The following CHST8 variants were observed in gnomAD, a reference collection of about 807,000 sequenced individuals.
The protein encoded by CHST8 is carbohydrate sulfotransferase 8.
A neutral mutation model predicts 15.0 loss-of-function variants in CHST8; 10 were observed. The ratio of observed to expected loss-of-function variants is 0.67; its 90% confidence interval spans 0.41 to 1.13. The LOEUF is 1.13. CHST8 is among the 50% of genes most tolerant of loss of function. The pLI, the probability that CHST8 is intolerant of heterozygous loss-of-function variation, is 0.00. For missense variants in CHST8, 634 were observed against 608.2 expected, an observed-to-expected ratio of 1.04 and a Z score of -0.45; for synonymous variants, 259 against 256.6, an observed-to-expected ratio of 1.01 and a Z score of -0.09.
chr19:33,624,354 C>T (rs1972023892), intron 1 of CHST8, among the ~76,000 whole-genome samples: 1 of 152,154 alleles, frequency 6.6e-6, no homozygotes, highest in Admixed American at 6.5e-5. Flanking sequence ...GGTAGAACAT[C>T]CCCCTCGGAC....
In CHST8 at chr19:33,772,850, T is replaced by G. The variant is rs1975033112; in HGVS notation, c.1062T>G (p.Asp354Glu). ...FVGKFESMED[D>E]ANFFLSLIRA... ...GCAAGTTCGAGAGCATGGAGGACGA[T>G]GCCAACTTCTTCCTGAGCCTCATCC... The change falls in exon 5 of 5, where the codon GAT (aspartate) becomes GAG (glutamate). Residue 354 changes from aspartate to glutamate, a missense_variant. Asp to Glu is a conservative substitution (Grantham distance 45). Coordinates refer to ENST00000650847, the MANE Select transcript of CHST8 (RefSeq NM_001127895.2). 1 of 1,613,524 alleles carries G rather than the reference T, an allele frequency of 6.2e-7. No homozygotes were observed. Among genetic ancestry groups the G allele is most frequent in the Non-Finnish European group, 8.5e-7 (1 of 1,180,044 alleles).
At chr19:33,751,695 C>T (rs1231316618) in intron 3 of CHST8, among the ~76,000 whole-genome samples, 1 of 152,244 alleles carries the variant, frequency 6.6e-6, no homozygotes, top group African/African-American at 2.4e-5. Context: ...GGCCTGGACC[C>T]ACCACTCTGC....
chr19:33,703,002 C>A (rs998151987), intron 3 of CHST8, among the ~76,000 whole-genome samples: 1 of 152,208 alleles, frequency 6.6e-6, no homozygotes, highest in Non-Finnish European at 1.5e-5. Flanking sequence ...ACACCTCCCC[C>A]ACCTCTGTTC....
chr19:33,673,338 C>A (rs896767799), intron 2 of CHST8, among the ~76,000 whole-genome samples: 1 of 152,182 alleles, frequency 6.6e-6, no homozygotes, highest in Admixed American at 6.5e-5. Flanking sequence ...GGAGATGATG[C>A]CTGCAGTGAC....
chr19:33,647,455 T>G (rs1600234519), intron 1 of CHST8, among the ~76,000 whole-genome samples: 1 of 151,936 alleles, frequency 6.6e-6, no homozygotes, highest in East Asian at 1.9e-4. Flanking sequence ...GGAACAAAGG[T>G]CTGATTTTGG....
intron 1 of CHST8, among the ~76,000 whole-genome samples, chr19:33,635,664 C>T (rs1972185368): frequency 6.6e-6 from 1 of 152,080 alleles, no homozygotes; most frequent in African/African-American, 2.4e-5. Flanking sequence ...CCCTGAGGGC[C>T]AGCAGTGGAA....
intron 3 of CHST8, among the ~76,000 whole-genome samples, chr19:33,769,490 G>A (rs1177540738): frequency 6.6e-6 from 1 of 152,176 alleles, no homozygotes; most frequent in African/African-American, 2.4e-5. Context: ...GGAAAACCAA[G>A]TGGTGCAGCG....
chr19:33,752,891 T>C (rs147735890), intron 3 of CHST8, among the ~76,000 whole-genome samples: 2 of 152,366 alleles, frequency 1.3e-5, no homozygotes, highest in East Asian at 3.9e-4. Context: ...AATGGTTTCA[T>C]TATCAAAATT....
At chr19:33,762,862 C>G (rs75163158) in intron 3 of CHST8, among the ~76,000 whole-genome samples, 1 of 84,430 alleles carries the variant, frequency 1.2e-5, no homozygotes, top group Non-Finnish European at 2.7e-5. Flanking sequence ...TCAGTTTTCT[C>G]TCTTTTTTTT....
intron 3 of CHST8, among the ~76,000 whole-genome samples, chr19:33,719,030 G>C (rs1267378171): frequency 6.6e-6 from 1 of 152,048 alleles, no homozygotes; most frequent in Non-Finnish European, 1.5e-5. Context: ...CGAGACCTGG[G>C]CTCCCGGGAC....
chr19:33,650,458 T>A (rs927931050), intron 1 of CHST8, among the ~76,000 whole-genome samples: 8 of 151,550 alleles, frequency 5.3e-5, no homozygotes, highest in Admixed American at 3.9e-4. Flanking sequence ...AGGATTTTTT[T>A]AATCTATTCT....
chr19:33,714,146 C>T (rs112170816), intron 3 of CHST8, among the ~76,000 whole-genome samples: 1,934 of 152,180 alleles, frequency 0.013, 39 homozygotes, highest in African/African-American at 0.041. Flanking sequence ...GTTCCACTAC[C>T]GGGCTATCTA....
chr19:33,679,286 C>T (rs566509669), intron 2 of CHST8, among the ~76,000 whole-genome samples: 1 of 152,352 alleles, frequency 6.6e-6, no homozygotes, highest in East Asian at 1.9e-4. Context: ...GTGAATAGCT[C>T]AGTGCTTTCT....
intron 1 of CHST8, among the ~76,000 whole-genome samples, chr19:33,655,370 A>G (rs1972498724): frequency 6.6e-6 from 1 of 152,216 alleles, no homozygotes; most frequent in African/African-American, 2.4e-5. Context: ...TTTTGCATCT[A>G]TAGTGACAAG....
chr19:33,679,708 G>A (rs1328151181), intron 2 of CHST8, among the ~76,000 whole-genome samples: 2 of 152,170 alleles, frequency 1.3e-5, no homozygotes, highest in South Asian at 2.1e-4. Flanking sequence ...CTGGGGTGGC[G>A]CTTATTTCTT....
intron 2 of CHST8, among the ~76,000 whole-genome samples, chr19:33,673,029 G>A (rs535729958): frequency 5.3e-5 from 8 of 152,166 alleles, no homozygotes; most frequent in Non-Finnish European, 8.8e-5. Flanking sequence ...CACTTCCTGG[G>A]TTTGCAATCA....
chr19:33,725,942 C>G (rs77739074), intron 3 of CHST8, among the ~76,000 whole-genome samples: 11,369 of 152,292 alleles, frequency 0.075, 605 homozygotes, highest in Middle Eastern at 0.13. Context: ...CCGCTCAGGG[C>G]TCTTGCCTGG....
At chr19:33,707,808 C>G (rs975296566) in intron 3 of CHST8, among the ~76,000 whole-genome samples, 1 of 152,086 alleles carries the variant, frequency 6.6e-6, no homozygotes, top group Non-Finnish European at 1.5e-5. Flanking sequence ...AGTAAATTTA[C>G]GTTAAATTTA....
intron 3 of CHST8, among the ~76,000 whole-genome samples, chr19:33,728,122 C>T (rs1226666630): frequency 6.6e-6 from 1 of 152,252 alleles, no homozygotes; most frequent in Admixed American, 6.5e-5. Context: ...TTCCAGAGCA[C>T]ATGTTAGTTT....
Sources: gnomAD v4.1 joint callset for allele counts (sites outside exome capture counted in the v4.1 genomes callset) on GRCh38, gnomAD v4.1.1 for gene constraint, MANE v1.5 for transcripts, NCBI Gene and HGNC (gene_info 2026-07-23, HGNC 2026-07-21) for gene names.